The following SLC41A2 variants were observed in gnomAD, a reference collection of about 807,000 sequenced individuals.
SLC41A2 encodes solute carrier family 41 member 2.
A neutral mutation model predicts 58.3 loss-of-function variants in SLC41A2; 32 were observed. The ratio of observed to expected loss-of-function variants is 0.55; its 90% CI spans 0.41 to 0.74. SLC41A2 has a LOEUF of 0.74. Ranked by LOEUF, SLC41A2 falls within the 30% of genes least tolerant of loss-of-function variation. The probability of loss-of-function intolerance (pLI) is 0.00; values close to 1 mark genes in which losing one functional copy is unlikely to be tolerated. For missense variants in SLC41A2, 514 were observed against 680.6 expected (o/e 0.76, Z 2.72); for synonymous variants, 190 against 235.0 (o/e 0.81, Z 1.75).
rs2136170313 is a variant in SLC41A2 at position 104,803,287 on chromosome 12, A to G, written c.*1865T>C. 1 of 152,270 alleles carries G rather than the reference A, an allele frequency of 6.6e-6. No homozygotes were observed. Among genetic ancestry groups the G allele is most frequent in the South Asian group, 2.1e-4 (1 of 4,826 alleles). 9.4% of individuals were successfully genotyped at this position (152,270 alleles called of 1,614,324 possible). A position where few individuals can be genotyped will look rare whatever the true frequency, so the allele number is the denominator to read the frequency against. ...AAGTAAAAAATCTTTGCAGCTAAAT[A>G]TTCATCAACTTAAACTTATTCTTTC... On this transcript the variant is annotated 3_prime_UTR_variant, in exon 11 of 11. Coordinates refer to ENST00000258538, the MANE Select transcript of SLC41A2 (RefSeq NM_001352171.3).
chr12:104,803,592 A>G lies in SLC41A2; in HGVS notation c.*1560T>C, dbSNP rs1359159498. 3 of 152,220 alleles carry G rather than the reference A, an allele frequency of 2.0e-5. No homozygotes were observed. Among genetic ancestry groups the G allele is most frequent in the Non-Finnish European group, 1.5e-5 (1 of 68,038 alleles). The allele number at this position is 152,220 out of a possible 1,614,324, so 9.4% of individuals were successfully genotyped here. On this transcript the variant is annotated 3_prime_UTR_variant, in exon 11 of 11. Transcript: ENST00000258538. ...ATGATCAAAGTTAATGTGCATTTTGATACCCTTATCAGCTTAAATTATTAA... is the reference window on the plus strand; with the variant it reads ...ATGATCAAAGTTAATGTGCATTTTGGTACCCTTATCAGCTTAAATTATTAA...
At chr12:104,849,415 C>G (rs1050293829) in intron 8 of SLC41A2, among the ~76,000 whole-genome samples, 4 of 152,160 alleles carry the variant, frequency 2.6e-5, no homozygotes, top group South Asian at 4.1e-4. Flanking sequence ...ATTGGCAAAC[C>G]TTTTAGCCTA....
chr12:104,869,905 A>T (rs2135542686), intron 6 of SLC41A2, among the ~76,000 whole-genome samples: 1 of 152,334 alleles, frequency 6.6e-6, no homozygotes, highest in African/African-American at 2.4e-5. Flanking sequence ...TTCCACATTA[A>T]TATTAAAATG....
At chr12:104,912,107 C>T (rs190102850) in intron 2 of SLC41A2, among the ~76,000 whole-genome samples, 134 of 152,196 alleles carry the variant, frequency 8.8e-4, no homozygotes, top group African/African-American at 2.8e-3. Flanking sequence ...TATCAGATCC[C>T]GGATATACTT....
Position 104,853,911 on chromosome 12 carries a change from A to ATTATTATTATTATTTTTTTTTT in SLC41A2, c.1255+7379_1255+7380insAAAAAAAAAATAATAATAATAA. 1.2e-3 allele frequency among the ~76,000 whole-genome samples: 72 copies of ATTATTATTATTATTTTTTTTTT among 59,494 alleles called. 2 individuals are homozygous for ATTATTATTATTATTTTTTTTTT. Among genetic ancestry groups the ATTATTATTATTATTTTTTTTTT allele is most frequent in the Middle Eastern group, 0.012 (1 of 86 alleles). The allele number at this position is 59,494 out of a possible 152,430, so 39.0% of individuals were successfully genotyped here. On this transcript the variant is annotated intron_variant, in intron 8 of 10. Transcript: ENST00000258538. The stretch of plus-strand genomic sequence containing the variant: ...GGGTGCATGTCACCATGCCTGGCTG[A>ATTATTATTATTATTTTTTTTTT]TTTTTTTTTTTTTTTTTTTTTTTTT...
chr12:104,893,671 A>T (rs1213996430), intron 4 of SLC41A2, among the ~76,000 whole-genome samples: 1 of 152,256 alleles, frequency 6.6e-6, no homozygotes, highest in Non-Finnish European at 1.5e-5. Flanking sequence ...AGCACTATTC[A>T]GCCATAAAAA....
chr12:104,936,114 C>T (rs1038071208), intron 1 of SLC41A2, among the ~76,000 whole-genome samples: 1 of 151,924 alleles, frequency 6.6e-6, no homozygotes, highest in Non-Finnish European at 1.5e-5. Context: ...GCATTAGCCA[C>T]ATGTTTGTGG....
chr12:104,822,899 T>C (rs2041693869), intron 10 of SLC41A2, among the ~76,000 whole-genome samples: 1 of 152,042 alleles, frequency 6.6e-6, no homozygotes, highest in Non-Finnish European at 1.5e-5. Context: ...GAAAACTCAC[T>C]ATATTGAGAG....
At chr12:104,812,995 A>G (rs1305352078) in intron 10 of SLC41A2, among the ~76,000 whole-genome samples, 1 of 152,082 alleles carries the variant, frequency 6.6e-6, no homozygotes, top group Non-Finnish European at 1.5e-5. Context: ...CCTGGCCAAC[A>G]TGGTGAAACC....
rs150449823 is a variant in SLC41A2 at position 104,910,544 on chromosome 12, C to T, written c.556-782G>A. On this transcript the variant is annotated intron_variant, in intron 2 of 10. Coordinates refer to ENST00000258538, the MANE Select transcript of SLC41A2 (RefSeq NM_001352171.3). Reference sequence around the variant, plus strand: ...GTCCCCAACCAATGGAATAGACCCCCTTCTCAGCCAAGGGCATTCCAAAGT... The same window carrying T: ...GTCCCCAACCAATGGAATAGACCCCTTTCTCAGCCAAGGGCATTCCAAAGT... 8.5e-3 allele frequency among the ~76,000 whole-genome samples: 1,290 copies of T among 152,256 alleles called. 16 individuals carry two copies. The highest frequency in any genetic ancestry group is 0.029 in the African/African-American group (1,186 of 41,554).
intron 2 of SLC41A2, among the ~76,000 whole-genome samples, chr12:104,925,062 C>CA (rs1021678006): frequency 1.3e-5 from 2 of 151,656 alleles, no homozygotes; most frequent in African/African-American, 4.9e-5. Context: ...GTGATGGGGA[C>CA]AAAAAGGGCA....
chr12:104,815,426 A>ATATT (rs1236292713), intron 10 of SLC41A2, among the ~76,000 whole-genome samples: 3 of 152,172 alleles, frequency 2.0e-5, no homozygotes, highest in African/African-American at 7.2e-5. Context: ...TGTTCTAAAT[A>ATATT]TATTTCTTGG....
chr12:104,859,437 C>T (rs1455768564), intron 8 of SLC41A2, among the ~76,000 whole-genome samples: 1 of 152,044 alleles, frequency 6.6e-6, no homozygotes, highest in Non-Finnish European at 1.5e-5. Context: ...GTAAGACATG[C>T]TTGTTATATA....
intron 5 of SLC41A2, among the ~76,000 whole-genome samples, chr12:104,887,794 T>C (rs2044746375): frequency 1.3e-5 from 2 of 152,056 alleles, no homozygotes; most frequent in South Asian, 4.1e-4. Context: ...AACAAGTTGA[T>C]GAGATTGGAC....
intron 10 of SLC41A2, among the ~76,000 whole-genome samples, chr12:104,826,393 A>G (rs1401937658): frequency 2.0e-5 from 3 of 152,226 alleles, no homozygotes; most frequent in Non-Finnish European, 2.9e-5. Context: ...TATACCTTGC[A>G]AGGCAATCCC....
intron 8 of SLC41A2, among the ~76,000 whole-genome samples, chr12:104,854,469 A>C (rs1034829747): frequency 1.4e-4 from 22 of 151,774 alleles, no homozygotes; most frequent in Admixed American, 6.6e-5. Context: ...AGGCTGAGGC[A>C]GGAGAATGGC....
At chr12:104,906,589 T>C (rs961299262) in intron 3 of SLC41A2, among the ~76,000 whole-genome samples, 1 of 152,148 alleles carries the variant, frequency 6.6e-6, no homozygotes, top group Admixed American at 6.5e-5. Context: ...AAGGATATAT[T>C]TGTCAAGGTA....
At chr12:104,914,637 T>G (rs2046232404) in intron 2 of SLC41A2, among the ~76,000 whole-genome samples, 1 of 152,156 alleles carries the variant, frequency 6.6e-6, no homozygotes, top group South Asian at 2.1e-4. Context: ...GACACACAAC[T>G]GGGAACTATG....
chr12:104,831,237 TTC>T (rs925251370), intron 10 of SLC41A2, among the ~76,000 whole-genome samples: 14 of 149,656 alleles, frequency 9.4e-5, no homozygotes, highest in Non-Finnish European at 7.5e-5. Flanking sequence ...TAAAATCTCT[TTC>T]TCTCTCTCTC....
Sources: allele counts gnomAD v4.1 joint callset (sites outside exome capture counted in the v4.1 genomes callset), GRCh38; gene constraint gnomAD v4.1.1; transcripts MANE v1.5; gene names NCBI Gene and HGNC (gene_info 2026-07-23, HGNC 2026-07-21).